The following ABTB3 variants were observed in gnomAD, a reference collection of about 807,000 sequenced individuals.
ABTB3 encodes the protein ankyrin repeat- and BTB/POZ domain-containing protein 3.
chr12:107,530,152 G>T, the ABTB3 span, among the ~76,000 whole-genome samples: 3 of 152,162 alleles, frequency 2.0e-5, no homozygotes, highest in Non-Finnish European at 4.4e-5. Flanking sequence ...GCTGAAAGGT[G>T]CTCTGAGGAG....
At chr12:107,572,206 T>TA in the ABTB3 span, among the ~76,000 whole-genome samples, 1 of 151,816 alleles carries the variant, frequency 6.6e-6, no homozygotes, top group African/African-American at 2.4e-5. Context: ...AAGACAGAGA[T>TA]AAAGACTGGA....
At chr12:107,468,290 T>C in the ABTB3 span, among the ~76,000 whole-genome samples, 1 of 152,152 alleles carries the variant, frequency 6.6e-6, no homozygotes. Context: ...ATTTTTCACT[T>C]CTGTGGGCCT....
chr12:107,407,163 T>G, the ABTB3 span, among the ~76,000 whole-genome samples: 1 of 152,196 alleles, frequency 6.6e-6, no homozygotes, highest in Admixed American at 6.5e-5. Flanking sequence ...CTCAGTTTGC[T>G]CATCTGTAAA....
the ABTB3 span, among the ~76,000 whole-genome samples, chr12:107,613,912 A>G: frequency 2.0e-5 from 3 of 152,096 alleles, no homozygotes; most frequent in Admixed American, 1.3e-4. Context: ...AAAGCAGACA[A>G]TAGACACAGT....
chr12:107,330,338 T>A, the ABTB3 span, among the ~76,000 whole-genome samples: 2 of 152,190 alleles, frequency 1.3e-5, no homozygotes. Flanking sequence ...GAGAGCAGAC[T>A]GGAAGGGTGA....
chr12:107,579,037 G>A, the ABTB3 span, among the ~76,000 whole-genome samples: 1 of 152,226 alleles, frequency 6.6e-6, no homozygotes, highest in Admixed American at 6.5e-5. Flanking sequence ...ATTTGCAGAG[G>A]CAGCGGGTAA....
the ABTB3 span, chr12:107,658,065 C>T: frequency 1.2e-4 from 37 of 319,170 alleles, no homozygotes; most frequent in Non-Finnish European, 1.5e-4. Context: ...AGGACTTCAC[C>T]GTACCAACCC....
At chr12:107,621,696 G>A in the ABTB3 span, among the ~76,000 whole-genome samples, 3 of 152,128 alleles carry the variant, frequency 2.0e-5, no homozygotes, top group Non-Finnish European at 2.9e-5. Flanking sequence ...AATGGAACAC[G>A]ACTAGCACCC....
At chr12:107,351,886 C>T in the ABTB3 span, among the ~76,000 whole-genome samples, 1 of 152,172 alleles carries the variant, frequency 6.6e-6, no homozygotes, top group Non-Finnish European at 1.5e-5. Flanking sequence ...TCTAAGGCAT[C>T]ATTTTCCTCA....
At chr12:107,397,837 G>A in the ABTB3 span, among the ~76,000 whole-genome samples, 6 of 152,078 alleles carry the variant, frequency 3.9e-5, no homozygotes, top group Non-Finnish European at 8.8e-5. Flanking sequence ...AAAGTCATTG[G>A]TCCCAATACC....
chr12:107,450,981 T>TG, the ABTB3 span, among the ~76,000 whole-genome samples: 10 of 145,856 alleles, frequency 6.9e-5, no homozygotes, highest in South Asian at 1.7e-3. Flanking sequence ...TCAATATGTG[T>TG]TTTTTTTTTT....
the ABTB3 span, among the ~76,000 whole-genome samples, chr12:107,473,037 G>A: frequency 2.0e-5 from 3 of 152,172 alleles, no homozygotes; most frequent in Admixed American, 6.5e-5. Flanking sequence ...GGGAACAGGC[G>A]AGGCCACAGT....
chr12:107,534,752 A>G, the ABTB3 span, among the ~76,000 whole-genome samples: 1 of 152,216 alleles, frequency 6.6e-6, no homozygotes, highest in Admixed American at 6.5e-5. Flanking sequence ...AATAAATAGA[A>G]AACCTGAACA....
At chr12:107,444,359 G>A in the ABTB3 span, among the ~76,000 whole-genome samples, 8 of 152,182 alleles carry the variant, frequency 5.3e-5, no homozygotes, top group Non-Finnish European at 1.2e-4. Flanking sequence ...ACCACCCACT[G>A]TATGGCAGGC....
chr12:107,513,185 C>T, the ABTB3 span, among the ~76,000 whole-genome samples: 1 of 152,178 alleles, frequency 6.6e-6, no homozygotes, highest in Non-Finnish European at 1.5e-5. Context: ...TCCTCCTTCT[C>T]CTCCTTCATC....
the ABTB3 span, among the ~76,000 whole-genome samples, chr12:107,483,464 G>A: frequency 1.3e-5 from 2 of 152,142 alleles, no homozygotes; most frequent in East Asian, 3.9e-4. Flanking sequence ...TAGACCCTCT[G>A]ACATTGCAGA....
the ABTB3 span, among the ~76,000 whole-genome samples, chr12:107,521,303 G>GTA: frequency 2.1e-5 from 3 of 144,694 alleles, no homozygotes; most frequent in African/African-American, 7.8e-5. Flanking sequence ...GTGTGTGTGT[G>GTA]TATAAGGTTA....
At chr12:107,633,965 T>C in the ABTB3 span, among the ~76,000 whole-genome samples, 1 of 152,208 alleles carries the variant, frequency 6.6e-6, no homozygotes. Flanking sequence ...ATTAAGCCGA[T>C]AGGCAGGCAG....
At chr12:107,449,876 A>G in the ABTB3 span, among the ~76,000 whole-genome samples, 1 of 152,012 alleles carries the variant, frequency 6.6e-6, no homozygotes, top group Non-Finnish European at 1.5e-5. Context: ...TCCTGGCTTC[A>G]AGCAATCCTC....
Sources: gnomAD v4.1 joint callset for allele counts (sites outside exome capture counted in the v4.1 genomes callset) on GRCh38, gnomAD v4.1.1 for gene constraint, MANE v1.5 for transcripts, NCBI Gene and HGNC (gene_info 2026-07-23, HGNC 2026-07-21) for gene names.